SPOCK1: variants seen among roughly 807,000 people sequenced by gnomAD.
The protein encoded by SPOCK1 is testican-1.
In SPOCK1, 23 loss-of-function variants were observed where a neutral mutation model predicts 55.3. The observed-to-expected ratio is 0.42, with a 90% CI of 0.30 to 0.59. SPOCK1 has a LOEUF of 0.59. Among genes scored for constraint, SPOCK1 ranks in the 20% least tolerant of loss-of-function variants. The pLI is 0.22. For missense variants in SPOCK1, 499 were observed against 552.5 expected (o/e 0.90, Z 0.97); for synonymous variants, 226 against 221.0 (o/e 1.02, Z -0.20).
At chr5:137,191,984 T>C (rs113530457) in intron 3 of SPOCK1, among the ~76,000 whole-genome samples, 8,435 of 151,932 alleles carry the variant, frequency 0.056, 789 homozygotes, top group African/African-American at 0.19. Flanking sequence ...CCTGTAATCC[T>C]AACACTTTGG....
At chr5:137,463,661 T>C (rs1252207897) in intron 2 of SPOCK1, among the ~76,000 whole-genome samples, 6 of 152,014 alleles carry the variant, frequency 3.9e-5, no homozygotes, top group Admixed American at 3.3e-4. Context: ...TAAAAATAAC[T>C]AAAAGAGGCC....
At chr5:137,179,759 G>C (rs1252418282) in intron 3 of SPOCK1, among the ~76,000 whole-genome samples, 1 of 152,132 alleles carries the variant, frequency 6.6e-6, no homozygotes, top group East Asian at 1.9e-4. Flanking sequence ...GAGACTTGGG[G>C]CAGTCCCCTG....
intron 2 of SPOCK1, among the ~76,000 whole-genome samples, chr5:137,326,354 A>G (rs772346245): frequency 7.2e-5 from 11 of 152,080 alleles, no homozygotes; most frequent in Non-Finnish European, 1.2e-4. Flanking sequence ...GGCTATAACC[A>G]GAATTGACCT....
chr5:137,033,457 CA>C (rs1244096131), intron 6 of SPOCK1, among the ~76,000 whole-genome samples: 13 of 152,234 alleles, frequency 8.5e-5, no homozygotes, highest in Middle Eastern at 3.2e-3. Flanking sequence ...CAAGGAAATG[CA>C]GGGCTGTTTC....
intron 3 of SPOCK1, among the ~76,000 whole-genome samples, chr5:137,256,585 C>T (rs1270943424): frequency 6.6e-6 from 1 of 152,112 alleles, no homozygotes; most frequent in African/African-American, 2.4e-5. Context: ...AAACAGCTCC[C>T]CTACGCCCCA....
intron 3 of SPOCK1, among the ~76,000 whole-genome samples, chr5:137,207,535 C>T (rs1315865680): frequency 1.3e-5 from 2 of 152,112 alleles, no homozygotes; most frequent in Non-Finnish European, 2.9e-5. Context: ...ACAATAGGTC[C>T]CCTGGGTTGC....
intron 3 of SPOCK1, among the ~76,000 whole-genome samples, chr5:137,219,530 C>G (rs1010894283): frequency 6.6e-6 from 1 of 152,166 alleles, no homozygotes; most frequent in African/African-American, 2.4e-5. Context: ...AAAATTACAG[C>G]AATTAAGAAT....
intron 2 of SPOCK1, among the ~76,000 whole-genome samples, chr5:137,310,416 C>T (rs1206791177): frequency 6.6e-6 from 1 of 152,186 alleles, no homozygotes; most frequent in Admixed American, 6.5e-5. Context: ...AATTTTATAT[C>T]GTCTACTGAG....
At position 137,303,819 on chromosome 5, in the gene SPOCK1, G is replaced by A. The variant is rs1043770436; in HGVS notation, c.187-36764C>T. Among the ~76,000 whole-genome samples, 147 of 152,336 alleles carry A rather than the reference G, an allele frequency of 9.6e-4. 6 individuals are homozygous for A. Among genetic ancestry groups the A allele is most frequent in the Middle Eastern group, 3.4e-3 (1 of 294 alleles). ...GGGGCCCACAGAGAAGGCGTGTGACGCCTGGGACCCTGAGCAGGAATTCCA... is the reference window on the plus strand; with the variant it reads ...GGGGCCCACAGAGAAGGCGTGTGACACCTGGGACCCTGAGCAGGAATTCCA... On this transcript the variant is annotated intron_variant, in intron 2 of 10. Transcript: ENST00000394945.
chr5:137,293,949 G>A (rs1174362316), intron 2 of SPOCK1, among the ~76,000 whole-genome samples: 3 of 152,138 alleles, frequency 2.0e-5, no homozygotes, highest in Non-Finnish European at 2.9e-5. Context: ...CCCGGGAGGC[G>A]GAGCTTGCAG....
intron 5 of SPOCK1, among the ~76,000 whole-genome samples, chr5:137,110,213 C>T (rs1463751954): frequency 2.0e-5 from 3 of 152,132 alleles, no homozygotes; most frequent in African/African-American, 4.8e-5. Flanking sequence ...TCTCCTTCTT[C>T]GGATATGTGG....
At chr5:137,447,427 G>A (rs115002601) in intron 2 of SPOCK1, among the ~76,000 whole-genome samples, 2,474 of 152,302 alleles carry the variant, frequency 0.016, 29 homozygotes, top group Middle Eastern at 0.027. Context: ...TTCTGTTTCT[G>A]TCTGAGGAGA....
chr5:137,241,689 G>A (rs1756285245), intron 3 of SPOCK1, among the ~76,000 whole-genome samples: 1 of 152,062 alleles, frequency 6.6e-6, no homozygotes, highest in South Asian at 2.1e-4. Context: ...CCATGGGATG[G>A]CACAGCAAGA....
In SPOCK1 at chr5:137,488,238, G is replaced by A. The variant is rs548809390; in HGVS notation, c.186+10135C>T. Among the ~76,000 whole-genome samples the A allele has an allele frequency of 1.2e-3, 185 of 152,230 alleles. 1 individual carries two copies. The highest frequency in any genetic ancestry group is 4.1e-3 in the African/African-American group (171 of 41,522). On this transcript the variant is annotated intron_variant, in intron 2 of 10. Transcript: ENST00000394945. ...CTAAAAATACAAAAATTAGCTGGGC[G>A]TGGTGGCGCATGACTGTAGTCCCAG...
chr5:137,260,934 G>A (rs185130964), intron 3 of SPOCK1, among the ~76,000 whole-genome samples: 117 of 152,300 alleles, frequency 7.7e-4, no homozygotes, highest in Middle Eastern at 3.4e-3. Flanking sequence ...AATAAGATGA[G>A]TAGTTGCTGT....
At chr5:137,475,993 T>C (rs936324945) in intron 2 of SPOCK1, among the ~76,000 whole-genome samples, 1 of 151,882 alleles carries the variant, frequency 6.6e-6, no homozygotes, top group African/African-American at 2.4e-5. Flanking sequence ...TGTATAGACT[T>C]CTACCTTGGG....
intron 3 of SPOCK1, among the ~76,000 whole-genome samples, chr5:137,143,462 C>T (rs1754137369): frequency 6.6e-6 from 1 of 152,156 alleles, no homozygotes; most frequent in South Asian, 2.1e-4. Context: ...AGCACGGACT[C>T]CAAGGCAGAG....
chr5:137,158,010 A>G (rs1754451877), intron 3 of SPOCK1, among the ~76,000 whole-genome samples: 2 of 152,206 alleles, frequency 1.3e-5, no homozygotes, highest in Non-Finnish European at 2.9e-5. Context: ...TGCAGTGAGC[A>G]GAGATTGTGC....
chr5:137,060,580 A>T (rs1009487160), intron 6 of SPOCK1, among the ~76,000 whole-genome samples: 17 of 152,114 alleles, frequency 1.1e-4, no homozygotes, highest in African/African-American at 3.4e-4. Flanking sequence ...ACCTGCACTT[A>T]TACCCCTAAA....
Sources: allele counts gnomAD v4.1 joint callset (sites outside exome capture counted in the v4.1 genomes callset), GRCh38; gene constraint gnomAD v4.1.1; transcripts MANE v1.5; gene names NCBI Gene and HGNC (gene_info 2026-07-23, HGNC 2026-07-21).